The following DCN variants were observed in gnomAD, a reference collection of about 807,000 sequenced individuals.
DCN encodes decorin, also known as bone proteoglycan II.
Under a neutral mutation model 36.5 loss-of-function variants are expected in DCN, and 17 were observed. The observed-to-expected ratio is 0.47, with a 90% CI of 0.32 to 0.70. DCN has a LOEUF of 0.70. Ranked by LOEUF, DCN falls within the 30% of genes least tolerant of loss-of-function variation. DCN has a pLI of 0.04. For synonymous variants in DCN, 163 were observed against 161.4 expected, an observed-to-expected ratio of 1.01 and a Z score of -0.07; for missense variants, 389 against 430.1, an observed-to-expected ratio of 0.90 and a Z score of 0.84.
chr12:91,146,577 C>T (rs1369081043), intron 7 of DCN, among the ~76,000 whole-genome samples: 1 of 152,016 alleles, frequency 6.6e-6, no homozygotes, highest in Non-Finnish European at 1.5e-5. Context: ...TGGTCTAGAA[C>T]TTCTGACCTC....
At chr12:91,152,710 G>C (rs1263466837) in intron 6 of DCN, among the ~76,000 whole-genome samples, 2 of 152,000 alleles carry the variant, frequency 1.3e-5, no homozygotes, top group Non-Finnish European at 2.9e-5. Flanking sequence ...TCTCTGTCTT[G>C]GTAGATTTCA....
intron 2 of DCN, among the ~76,000 whole-genome samples, chr12:91,165,282 G>T (rs1271795357): frequency 6.6e-6 from 1 of 152,108 alleles, no homozygotes; most frequent in African/African-American, 2.4e-5. Flanking sequence ...TCATTGGAAT[G>T]CCAAAACAAT....
intron 5 of DCN, among the ~76,000 whole-genome samples, chr12:91,155,135 A>G (rs1437725600): frequency 6.6e-6 from 1 of 152,196 alleles, no homozygotes; most frequent in Non-Finnish European, 1.5e-5. Context: ...TAATATGCCA[A>G]CAGAGTGAAA....
Position 91,143,597 on chromosome 12 carries a change from A to C in DCN, c.*2461T>G, listed in dbSNP as rs495247. The C allele has an allele frequency of 6.6e-6, 1 of 152,024 alleles. No homozygotes were observed. Among genetic ancestry groups the C allele is most frequent in the Non-Finnish European group, 1.5e-5 (1 of 68,024 alleles). The allele number at this position is 152,024 out of a possible 1,614,324, so 9.4% of individuals were successfully genotyped here. ...CTTTCCATTTACTCTACTTTGATCT[A>C]TAAGTTATATTCTACACTCGCTAAC... On this transcript the variant is annotated 3_prime_UTR_variant, in exon 8 of 8. Coordinates refer to ENST00000052754, the MANE Select transcript of DCN (RefSeq NM_001920.5).
Position 91,178,418 on chromosome 12 carries a change from G to A in DCN, c.135C>T (p.Asp45=). 1 of 1,613,998 alleles carries A rather than the reference G, an allele frequency of 6.2e-7. No homozygotes were observed. The change falls in exon 2 of 8, where the codon GAC becomes GAT. Residue 45 remains aspartate, a synonymous_variant. Transcript: ENST00000052754. ...GIGPEVPDDR[D]FEPSLGPVCP... ...ACACTGGGCCTAGGGAGGGCTCGAA[G>A]TCGCGGTCATCAGGAACTTCTGGGC...
chr12:91,177,520 C>T (rs149979150), intron 2 of DCN: 48 of 699,548 alleles, frequency 6.9e-5, no homozygotes, highest in African/African-American at 6.1e-4. Flanking sequence ...AATGAGCTGC[C>T]ATGTAAACTG....
chr12:91,163,299 A>G (rs3138226), intron 3 of DCN, among the ~76,000 whole-genome samples: 2,595 of 152,294 alleles, frequency 0.017, 69 homozygotes, highest in African/African-American at 0.058. Context: ...TTCTCTCCCA[A>G]CTACCACAAT....
intron 4 of DCN, 63 bp downstream of exon 4, chr12:91,158,233 C>T (rs1159760450): frequency 1.2e-5 from 12 of 1,033,786 alleles, no homozygotes; most frequent in Admixed American, 1.7e-5. Flanking sequence ...ACTTAAAACC[C>T]AGTTGAAATC....
Position 91,146,073 on chromosome 12 carries a change from G to C in DCN, c.1065C>G (p.Leu355=), listed in dbSNP as rs138760512. The change falls in exon 8 of 8, where the codon CTC becomes CTG. Residue 355 remains leucine (L), a synonymous_variant. Coordinates refer to ENST00000052754, the MANE Select transcript of DCN (RefSeq NM_001920.5). ...RCVYVRSAIQ[L]GNYK ...TTCTTGAGAATTACTTATAGTTTCCGAGTTGAATGGCAGAGCGCACGTAGA... is the reference window on the plus strand; with the variant it reads ...TTCTTGAGAATTACTTATAGTTTCCCAGTTGAATGGCAGAGCGCACGTAGA... The C allele has an allele frequency of 6.2e-7, 1 of 1,613,596 alleles. No homozygotes were observed. The highest frequency in any genetic ancestry group is 8.5e-7 in the Non-Finnish European group (1 of 1,179,614).
intron 2 of DCN, among the ~76,000 whole-genome samples, chr12:91,167,476 C>G (rs934072316): frequency 4.5e-4 from 68 of 150,816 alleles, no homozygotes; most frequent in Middle Eastern, 3.4e-3. Flanking sequence ...CAGACAGACA[C>G]ACACACACAC....
chr12:91,160,675 G>T (rs1882101375), intron 3 of DCN, among the ~76,000 whole-genome samples: 1 of 151,910 alleles, frequency 6.6e-6, no homozygotes, highest in Non-Finnish European at 1.5e-5. Context: ...ATGTATATAA[G>T]GTACTAAGAA....
At chr12:91,174,866 G>T (rs909664860) in intron 2 of DCN, among the ~76,000 whole-genome samples, 6 of 152,052 alleles carry the variant, frequency 3.9e-5, no homozygotes, top group African/African-American at 9.7e-5. Context: ...TATTTGACTT[G>T]TCAGGACTGA....
chr12:91,181,474 G>A (rs910283530), intron 1 of DCN, among the ~76,000 whole-genome samples: 6 of 152,012 alleles, frequency 3.9e-5, no homozygotes, highest in Admixed American at 6.6e-5. Flanking sequence ...ATGATATGCT[G>A]TTTAAATTAT....
chr12:91,169,378 C>CTAAAAAAAAAAAAA lies in DCN; in HGVS notation c.212-4662_212-4661insTTTTTTTTTTTTTA, dbSNP rs71097880. On this transcript the variant is annotated intron_variant, in intron 2 of 7. Transcript: ENST00000052754. ...CCTAGGCAACAGGGGGAGATCCTGT[C>CTAAAAAAAAAAAAA]AAAAAAAAAAAAAAAAAAAAAAACC... Among the ~76,000 whole-genome samples, 11 of 73,394 alleles carry CTAAAAAAAAAAAAA rather than the reference C, an allele frequency of 1.5e-4. 1 individual carries two copies. The highest frequency in any genetic ancestry group is 2.2e-4 in the Non-Finnish European group (9 of 41,278). The allele number at this position is 73,394 out of a possible 152,430, so 48.1% of individuals were successfully genotyped here. A position where few individuals can be genotyped will look rare whatever the true frequency, so the allele number is the denominator to read the frequency against.
Position 91,142,852 on chromosome 12 carries a change from T to C in DCN, c.*3206A>G, listed in dbSNP as rs943879700. 2 of 152,094 alleles carry C rather than the reference T, an allele frequency of 1.3e-5. No homozygotes were observed. Among genetic ancestry groups the C allele is most frequent in the Non-Finnish European group, 2.9e-5 (2 of 68,010 alleles). 9.4% of individuals were successfully genotyped at this position (152,094 alleles called of 1,614,324 possible). On this transcript the variant is annotated 3_prime_UTR_variant, in exon 8 of 8. Coordinates refer to ENST00000052754, the MANE Select transcript of DCN (RefSeq NM_001920.5). ...TTAATGAAAACAAAAAAATTAAACA[T>C]TTAATAAGGAAAAAAGAAAGTGGAT...
intron 5 of DCN, among the ~76,000 whole-genome samples, chr12:91,153,419 A>G (rs1393614670): frequency 6.6e-6 from 1 of 152,010 alleles, no homozygotes; most frequent in African/African-American, 2.4e-5. Context: ...AAAAACCTGG[A>G]TGATTTCTAT....
intron 4 of DCN, 62 bp from the exon 5 acceptor site, chr12:91,157,250 G>C: frequency 1.7e-6 from 2 of 1,160,248 alleles, no homozygotes; most frequent in Non-Finnish European, 2.6e-6. Flanking sequence ...AGTCACTGTA[G>C]TATCTGTTTC....
Position 91,145,971 on chromosome 12 carries a change from G to C in DCN, c.*87C>G. 1 of 1,166,256 alleles carries C rather than the reference G, an allele frequency of 8.6e-7. No individual in the cohort carries two copies. Among genetic ancestry groups the C allele is most frequent in the Admixed American group, 1.7e-5 (1 of 57,964 alleles). The allele number at this position is 1,166,256 out of a possible 1,614,324, so 72.2% of individuals were successfully genotyped here. On this transcript the variant is annotated 3_prime_UTR_variant, in exon 8 of 8. Transcript: ENST00000052754. ...GGTAAAACATCCACATTGCAGTTAG[G>C]TTTCCAGTATCTAGCTTTTATTTAT...
chr12:91,181,133 C>T (rs546530194), intron 1 of DCN, among the ~76,000 whole-genome samples: 48 of 147,110 alleles, frequency 3.3e-4, no homozygotes, highest in African/African-American at 1.1e-3. Flanking sequence ...TTCATTTGCT[C>T]GTGTGTGTGT....
Sources: allele counts gnomAD v4.1 joint callset (sites outside exome capture counted in the v4.1 genomes callset), GRCh38; gene constraint gnomAD v4.1.1; transcripts MANE v1.5; gene names NCBI Gene and HGNC (gene_info 2026-07-23, HGNC 2026-07-21).